The following FBXL17 variants were observed in gnomAD, a reference collection of about 807,000 sequenced individuals.
The protein encoded by FBXL17 is F-box and leucine rich repeat protein 17.
A neutral mutation model predicts 66.2 loss-of-function variants in FBXL17; 22 were observed. The ratio of observed to expected loss-of-function variants is 0.33; its 90% CI spans 0.24 to 0.47. FBXL17 has a LOEUF of 0.47. FBXL17 is among the 20% of genes least tolerant of loss of function. FBXL17 has a pLI of 1.00. For synonymous variants in FBXL17, 474 were observed against 400.5 expected, an observed-to-expected ratio of 1.18 and a Z score of -2.19; for missense variants, 878 against 948.2, an observed-to-expected ratio of 0.93 and a Z score of 0.97.
chr5:107,867,250 G>T (rs1748302691), intron 8 of FBXL17, among the ~76,000 whole-genome samples: 1 of 152,150 alleles, frequency 6.6e-6, no homozygotes, highest in African/African-American at 2.4e-5. Context: ...CCTCTTTCTG[G>T]ATACATCTTC....
chr5:108,093,244 T>C (rs1195895531), intron 6 of FBXL17, among the ~76,000 whole-genome samples: 1 of 151,994 alleles, frequency 6.6e-6, no homozygotes, highest in Non-Finnish European at 1.5e-5. Context: ...TAACCTACTG[T>C]TATTATAATG....
intron 4 of FBXL17, chr5:108,298,476 ATC>A (rs1283011022): frequency 1.0e-6 from 1 of 973,602 alleles, no homozygotes; most frequent in African/African-American, 1.8e-5. Flanking sequence ...TACTGAAAGC[ATC>A]TAAAGCCCTA....
intron 3 of FBXL17, among the ~76,000 whole-genome samples, chr5:108,357,577 C>T (rs910031622): frequency 6.6e-6 from 1 of 151,928 alleles, no homozygotes; most frequent in African/African-American, 2.4e-5. Context: ...AAACCACATT[C>T]CAGGCCATAA....
intron 4 of FBXL17, among the ~76,000 whole-genome samples, chr5:108,276,543 C>T (rs1257524567): frequency 6.6e-6 from 1 of 152,060 alleles, no homozygotes; most frequent in Admixed American, 6.5e-5. Flanking sequence ...TGCAATCTAC[C>T]ACCAGGATTT....
chr5:108,278,696 T>A (rs1849011), intron 4 of FBXL17, among the ~76,000 whole-genome samples: 2 of 152,024 alleles, frequency 1.3e-5, no homozygotes, highest in African/African-American at 4.8e-5. Flanking sequence ...TAAGTGGGAC[T>A]CAAGGCCTTG....
chr5:108,148,343 T>G (rs1376248667), intron 6 of FBXL17, among the ~76,000 whole-genome samples: 1 of 152,206 alleles, frequency 6.6e-6, no homozygotes, highest in Non-Finnish European at 1.5e-5. Flanking sequence ...TCCACTGAGA[T>G]GATCCAAATA....
chr5:107,863,571 T>C (rs1457593004), intron 8 of FBXL17, among the ~76,000 whole-genome samples: 1 of 141,810 alleles, frequency 7.1e-6, no homozygotes, highest in African/African-American at 2.5e-5. Context: ...TCCCTACTTT[T>C]CCCCCATAGT....
intron 4 of FBXL17, among the ~76,000 whole-genome samples, chr5:108,235,866 T>C (rs1348703552): frequency 6.6e-6 from 1 of 152,234 alleles, no homozygotes; most frequent in Non-Finnish European, 1.5e-5. Flanking sequence ...GCCAATGGCT[T>C]GCTGGTTCAA....
chr5:108,305,107 G>A (rs562273180), intron 4 of FBXL17, among the ~76,000 whole-genome samples: 1 of 152,204 alleles, frequency 6.6e-6, no homozygotes, highest in East Asian at 1.9e-4. Context: ...ATAGAAAAGA[G>A]AGGAAAGAGA....
At chr5:108,285,388 A>G (rs1026058519) in intron 4 of FBXL17, among the ~76,000 whole-genome samples, 4 of 151,846 alleles carry the variant, frequency 2.6e-5, no homozygotes, top group Admixed American at 6.6e-5. Context: ...TTACTTTGCC[A>G]AAGAGGAATC....
intron 4 of FBXL17, among the ~76,000 whole-genome samples, chr5:108,309,864 C>CAAAGAAAT (rs1273834640): frequency 6.6e-5 from 10 of 151,794 alleles, no homozygotes; most frequent in African/African-American, 2.4e-4. Context: ...AAAAGTAAAA[C>CAAAGAAAT]AAAGAAATAA....
chr5:108,206,066 A>G (rs1754104684), intron 5 of FBXL17, among the ~76,000 whole-genome samples: 1 of 152,126 alleles, frequency 6.6e-6, no homozygotes, highest in Non-Finnish European at 1.5e-5. Flanking sequence ...TGATATTCCT[A>G]CATGGGAATA....
chr5:108,083,627 T>C (rs942024106), intron 6 of FBXL17, among the ~76,000 whole-genome samples: 5 of 151,832 alleles, frequency 3.3e-5, no homozygotes, highest in Admixed American at 3.3e-4. Context: ...AGGTTAGCCT[T>C]GAACTTCTGG....
chr5:108,343,032 G>A (rs1475904349), intron 4 of FBXL17, among the ~76,000 whole-genome samples: 1 of 152,102 alleles, frequency 6.6e-6, no homozygotes, highest in Non-Finnish European at 1.5e-5. Flanking sequence ...AGAACACAGG[G>A]AGCTTGTTTG....
intron 4 of FBXL17, among the ~76,000 whole-genome samples, chr5:108,237,984 C>A (rs1755681643): frequency 6.6e-6 from 1 of 152,198 alleles, no homozygotes; most frequent in South Asian, 2.1e-4. Context: ...GTTTACTCAA[C>A]TCTTCAAAAT....
chr5:107,994,132 T>C (rs960856530), intron 7 of FBXL17, among the ~76,000 whole-genome samples: 4 of 152,172 alleles, frequency 2.6e-5, no homozygotes, highest in African/African-American at 9.7e-5. Flanking sequence ...ATAATACATA[T>C]TGATTCATAA....
intron 6 of FBXL17, among the ~76,000 whole-genome samples, chr5:108,041,084 A>C (rs995518276): frequency 3.3e-5 from 5 of 152,206 alleles, no homozygotes; most frequent in Admixed American, 2.6e-4. Flanking sequence ...ATTGTTGGGA[A>C]TATTAAATGA....
intron 8 of FBXL17, among the ~76,000 whole-genome samples, chr5:107,865,858 C>A (rs1474295348): frequency 6.6e-6 from 1 of 152,152 alleles, no homozygotes; most frequent in African/African-American, 2.4e-5. Flanking sequence ...CACAGAAGTA[C>A]AAATTATGCT....
At chr5:107,904,458 C>T (rs1263682460) in intron 7 of FBXL17, among the ~76,000 whole-genome samples, 2 of 152,126 alleles carry the variant, frequency 1.3e-5, no homozygotes, top group Non-Finnish European at 2.9e-5. Flanking sequence ...AGTCTTGCCC[C>T]ACTCCAACCT....
Sources: allele counts gnomAD v4.1 joint callset (sites outside exome capture counted in the v4.1 genomes callset), GRCh38; gene constraint gnomAD v4.1.1; transcripts MANE v1.5; gene names NCBI Gene and HGNC (gene_info 2026-07-23, HGNC 2026-07-21).